GLIS3: variants seen among roughly 807,000 people sequenced by gnomAD.
The protein encoded by GLIS3 is GLIS family zinc finger 3, also known as zinc finger protein GLIS3.
Under a neutral mutation model 78.6 loss-of-function variants are expected in GLIS3, and 53 were observed. The ratio of observed to expected loss-of-function variants is 0.67; its 90% CI spans 0.54 to 0.85. The LOEUF is 0.85. Among genes scored for constraint, GLIS3 ranks in the 40% least tolerant of loss-of-function variants. The pLI is 0.00. For synonymous variants in GLIS3, 684 were observed against 509.9 expected (o/e 1.34, Z -4.60); for missense variants, 1,703 against 1,231.1 (o/e 1.38, Z -5.74).
intron 2 of GLIS3, among the ~76,000 whole-genome samples, chr9:4,185,613 G>T (rs1817716105): frequency 6.6e-6 from 1 of 152,160 alleles, no homozygotes; most frequent in African/African-American, 2.4e-5. Flanking sequence ...AATGCTTTAA[G>T]GAAGGTTTAA....
At chr9:4,186,420 G>C (rs974258084) in intron 2 of GLIS3, among the ~76,000 whole-genome samples, 6 of 151,890 alleles carry the variant, frequency 4.0e-5, no homozygotes, top group East Asian at 1.9e-4. Context: ...TGGGTTGGTT[G>C]CAAGTCTTTG....
At chr9:3,836,342 G>T (rs535816296) in intron 9 of GLIS3, among the ~76,000 whole-genome samples, 46 of 152,218 alleles carry the variant, frequency 3.0e-4, no homozygotes, top group African/African-American at 1.1e-3. Flanking sequence ...TTATTTTTCC[G>T]CAGAGACTAT....
In GLIS3 at chr9:3,960,229, G is replaced by A. The variant is rs1268945439; in HGVS notation, c.1711-23040C>T. Among the ~76,000 whole-genome samples the A allele has an allele frequency of 2.0e-5, 3 of 152,092 alleles. No individual in the cohort carries two copies. In the East Asian group the frequency reaches 5.8e-4, roughly 29 times the overall value. On this transcript the variant is annotated intron_variant, in intron 4 of 10. Coordinates refer to ENST00000381971, the MANE Select transcript of GLIS3 (RefSeq NM_001042413.2). ...AGAACACTGTGTAAATATGAAGATGGCCATCTATAAGCTAAAGAGAGAAGA... is the reference window on the plus strand; with the variant it reads ...AGAACACTGTGTAAATATGAAGATGACCATCTATAAGCTAAAGAGAGAAGA...
intron 2 of GLIS3, among the ~76,000 whole-genome samples, chr9:4,207,996 G>A (rs757356760): frequency 6.6e-6 from 1 of 152,222 alleles, no homozygotes; most frequent in Admixed American, 6.5e-5. Flanking sequence ...AAACAGCACA[G>A]TTAGTGTGTG....
chr9:4,326,248 A>G (rs1817597505), intron 2 of GLIS3, among the ~76,000 whole-genome samples: 1 of 152,220 alleles, frequency 6.6e-6, no homozygotes, highest in Non-Finnish European at 1.5e-5. Context: ...AGAAAAATAT[A>G]TACACCAATG....
At chr9:3,864,879 C>T (rs991236600) in intron 8 of GLIS3, among the ~76,000 whole-genome samples, 1 of 152,122 alleles carries the variant, frequency 6.6e-6, no homozygotes, top group Non-Finnish European at 1.5e-5. Flanking sequence ...TCTAGTTCTA[C>T]GAGAAGGTAA....
chr9:4,256,954 C>A (rs1453374361), intron 2 of GLIS3, among the ~76,000 whole-genome samples: 1 of 152,072 alleles, frequency 6.6e-6, no homozygotes, highest in Non-Finnish European at 1.5e-5. Context: ...TGAAATGTCC[C>A]TCAACAGATG....
intron 2 of GLIS3, among the ~76,000 whole-genome samples, chr9:4,272,385 A>C (rs1369659199): frequency 1.3e-5 from 2 of 152,178 alleles, no homozygotes; most frequent in Admixed American, 1.3e-4. Flanking sequence ...TAACCTTTTG[A>C]GGCAATCTCT....
chr9:4,069,098 A>C (rs1289916413), intron 4 of GLIS3, among the ~76,000 whole-genome samples: 1 of 152,208 alleles, frequency 6.6e-6, no homozygotes, highest in Non-Finnish European at 1.5e-5. Context: ...TCACAGTTTT[A>C]TGAAGCCTTG....
At chr9:4,260,998 G>A (rs969718903) in intron 2 of GLIS3, among the ~76,000 whole-genome samples, 48 of 152,308 alleles carry the variant, frequency 3.2e-4, no homozygotes, top group African/African-American at 1.1e-3. Flanking sequence ...ATTTGTGGCT[G>A]TAATTATATT....
At chr9:4,010,548 C>G (rs1265632989) in intron 4 of GLIS3, among the ~76,000 whole-genome samples, 1 of 151,992 alleles carries the variant, frequency 6.6e-6, no homozygotes, top group Non-Finnish European at 1.5e-5. Flanking sequence ...GCCACAATTC[C>G]TCTCTGGTAA....
intron 2 of GLIS3, among the ~76,000 whole-genome samples, chr9:4,312,893 C>T (rs561308471): frequency 6.6e-6 from 1 of 152,320 alleles, no homozygotes; most frequent in Admixed American, 6.5e-5. Flanking sequence ...TATATTAGTT[C>T]ATTTAATCCT....
the GLIS3 span, among the ~76,000 whole-genome samples, chr9:4,417,384 T>G: frequency 6.6e-6 from 1 of 152,226 alleles, no homozygotes; most frequent in African/African-American, 2.4e-5. Flanking sequence ...ATATGTACAT[T>G]TATACACTTT....
upstream of GLIS3, among the ~76,000 whole-genome samples, chr9:4,349,196 T>C (rs1817930922): frequency 6.6e-6 from 1 of 152,312 alleles, no homozygotes; most frequent in African/African-American, 2.4e-5. Flanking sequence ...TTGATAGCAA[T>C]CTCTCCTTTC....
intron 1 of GLIS3, among the ~76,000 whole-genome samples, chr9:4,291,560 T>A (rs903278758): frequency 2.0e-5 from 3 of 151,908 alleles, no homozygotes; most frequent in Non-Finnish European, 4.4e-5. Flanking sequence ...ACATTCAAAA[T>A]ATGGGTAGTA....
intron 2 of GLIS3, among the ~76,000 whole-genome samples, chr9:4,199,619 A>T (rs1819182757): frequency 6.6e-6 from 1 of 152,006 alleles, no homozygotes; most frequent in Admixed American, 6.6e-5. Context: ...TATCCTAAAT[A>T]CATATGCACC....
chr9:4,180,397 G>A (rs1190797414), intron 2 of GLIS3, among the ~76,000 whole-genome samples: 1 of 152,114 alleles, frequency 6.6e-6, no homozygotes, highest in African/African-American at 2.4e-5. Context: ...TAGCTCAATG[G>A]GCAGGCTTGG....
chr9:4,003,801 G>A (rs1023827330), intron 4 of GLIS3, among the ~76,000 whole-genome samples: 6 of 152,210 alleles, frequency 3.9e-5, no homozygotes, highest in African/African-American at 1.4e-4. Context: ...TGTCAATGAA[G>A]ACAGACGCTT....
At chr9:4,313,655 C>G (rs574087941) in intron 2 of GLIS3, among the ~76,000 whole-genome samples, 32 of 152,312 alleles carry the variant, frequency 2.1e-4, no homozygotes, top group East Asian at 1.9e-4. Flanking sequence ...TCAAAATGGA[C>G]TAGTTACTAG....
Sources: gnomAD v4.1 joint callset for allele counts (sites outside exome capture counted in the v4.1 genomes callset) on GRCh38, gnomAD v4.1.1 for gene constraint, MANE v1.5 for transcripts, NCBI Gene and HGNC (gene_info 2026-07-23, HGNC 2026-07-21) for gene names.